Variants in A1CF observed in about 807,000 individuals in gnomAD.
A1CF encodes APOBEC-1 stimulating protein.
Under a neutral mutation model 68.9 loss-of-function variants are expected in A1CF, and 48 were observed. The observed-to-expected ratio is 0.70, with a 90% confidence interval of 0.55 to 0.89. A1CF has a LOEUF of 0.89. Ranked by LOEUF, A1CF falls within the 40% of genes least tolerant of loss-of-function variation. The pLI is 0.00. For synonymous variants in A1CF, 272 were observed against 260.4 expected, an observed-to-expected ratio of 1.04 and a Z score of -0.43; for missense variants, 653 against 718.9, an observed-to-expected ratio of 0.91 and a Z score of 1.05.
At chr10:50,811,323 T>C in intron 10 of A1CF, 147 bp from the exon 11 acceptor site, 2 of 727,426 alleles carry the variant, frequency 2.7e-6, no homozygotes, top group Non-Finnish European at 4.2e-6. Flanking sequence ...TCATAAAATT[T>C]AAGATGAACT....
At position 50,816,366 on chromosome 10, in the gene A1CF, A is replaced by C. The variant is rs189028472; in HGVS notation, c.868-87T>G. 1.9e-5 allele frequency: 26 copies of C among 1,367,150 alleles called. 1 individual carries two copies. The highest frequency in any genetic ancestry group is 1.9e-4 in the East Asian group (8 of 43,050). The allele number at this position is 1,367,150 out of a possible 1,614,324, so 84.7% of individuals were successfully genotyped here. A position where few individuals can be genotyped will look rare whatever the true frequency, so the allele number is the denominator to read the frequency against. ...AGCCCTAATAACATGACTCCTTCTAAGTGTTAGACTATTTGCTGTAGGTTT... is the reference window on the plus strand; with the variant it reads ...AGCCCTAATAACATGACTCCTTCTACGTGTTAGACTATTTGCTGTAGGTTT... On this transcript the variant is annotated intron_variant, in intron 8 of 12. Transcript: ENST00000373997.
In A1CF at chr10:50,807,015, G is replaced by A. The variant is rs1028591087; in HGVS notation, c.1610-135C>T. ...AAAGTTAATATATATGTTTTAAAAAGTGTCCTTAAGGACACAATATGTGGA... is the reference window on the plus strand; with the variant it reads ...AAAGTTAATATATATGTTTTAAAAAATGTCCTTAAGGACACAATATGTGGA... On this transcript the variant is annotated intron_variant, in intron 12 of 12. Transcript: ENST00000373997. 3.5e-6 allele frequency: 3 copies of A among 864,730 alleles called. No individual in the cohort carries two copies. In the Admixed American group the frequency reaches 9.0e-5, roughly 26 times the overall value. The allele number at this position is 864,730 out of a possible 1,614,324, so 53.6% of individuals were successfully genotyped here.
intron 8 of A1CF, 53 bp from the exon 9 acceptor site, chr10:50,816,332 G>T: frequency 6.3e-7 from 1 of 1,575,080 alleles, no homozygotes; most frequent in East Asian, 2.2e-5. Context: ...AGATAACCAA[G>T]TGTGGCTGAG....
chr10:50,814,364 C>A (rs888976176), intron 9 of A1CF, among the ~76,000 whole-genome samples: 2 of 152,050 alleles, frequency 1.3e-5, no homozygotes, highest in Non-Finnish European at 2.9e-5. Flanking sequence ...TTTAGGTAAC[C>A]TTGATATTTT....
intron 3 of A1CF, among the ~76,000 whole-genome samples, chr10:50,847,899 A>G (rs1293137044): frequency 6.6e-6 from 1 of 152,136 alleles, no homozygotes; most frequent in Non-Finnish European, 1.5e-5. Flanking sequence ...TGTTCTTAAA[A>G]GCTTACCCTT....
chr10:50,829,532 G>A (rs950444880), intron 6 of A1CF, among the ~76,000 whole-genome samples: 2 of 152,038 alleles, frequency 1.3e-5, no homozygotes, highest in Non-Finnish European at 2.9e-5. Flanking sequence ...AAAAGCATCC[G>A]TGGCCCTGGC....
intron 5 of A1CF, among the ~76,000 whole-genome samples, chr10:50,839,165 T>A (rs1776055628): frequency 6.6e-6 from 1 of 152,198 alleles, no homozygotes; most frequent in Non-Finnish European, 1.5e-5. Context: ...CCGTAGTGGA[T>A]TGATTTTATT....
chr10:50,810,150 G>T, intron 11 of A1CF, 108 bp from the exon 12 acceptor site: 1 of 1,290,658 alleles, frequency 7.7e-7, no homozygotes, highest in Non-Finnish European at 1.1e-6. Context: ...GTGGTATTTT[G>T]AGTGGGTGTT....
At chr10:50,852,504 A>G (rs979426095) in intron 3 of A1CF, among the ~76,000 whole-genome samples, 7 of 152,178 alleles carry the variant, frequency 4.6e-5, no homozygotes, top group Non-Finnish European at 7.3e-5. Context: ...TTAGGGAAGC[A>G]TGAGCCTGTG....
At chr10:50,861,113 C>T (rs1233051045) in intron 2 of A1CF, among the ~76,000 whole-genome samples, 1 of 152,028 alleles carries the variant, frequency 6.6e-6, no homozygotes, top group Non-Finnish European at 1.5e-5. Context: ...AGAATGAAGA[C>T]ACCATTAATA....
intron 10 of A1CF, 125 bp downstream of exon 10, chr10:50,813,732 T>A (rs934162363): frequency 1.1e-6 from 1 of 902,226 alleles, no homozygotes; most frequent in African/African-American, 1.7e-5. Context: ...ATTCATTGGA[T>A]GCTTTATATA....
chr10:50,870,180 A>G (rs1457101144), intron 1 of A1CF, among the ~76,000 whole-genome samples: 1 of 151,924 alleles, frequency 6.6e-6, no homozygotes, highest in African/African-American at 2.4e-5. Context: ...CATTTTCTCT[A>G]GCTATTTTGA....
In A1CF at chr10:50,803,847, A is replaced by C. The variant is rs963433814; in HGVS notation, c.*2882T>G. The C allele has an allele frequency of 6.6e-6, 1 of 152,198 alleles. No homozygotes were observed. Among genetic ancestry groups the C allele is most frequent in the African/African-American group, 2.4e-5 (1 of 41,454 alleles). The allele number at this position is 152,198 out of a possible 1,614,324, so 9.4% of individuals were successfully genotyped here. ...AAGCATTCAAATAAGAAATTACAGA[A>C]AAATTGATAGTGATGCAGAAGGTAT... On this transcript the variant is annotated 3_prime_UTR_variant, in exon 13 of 13. Coordinates refer to ENST00000373997, the MANE Select transcript of A1CF (RefSeq NM_014576.4).
Position 50,852,752 on chromosome 10 carries a change from T to C in A1CF, c.99+7090A>G, listed in dbSNP as rs551903549. Reference sequence around the variant, plus strand: ...TTGAAAAAGAATGTCAATGCCACAGTGTTTTTCCATCTGCTCCTCTCGGAG... The same window carrying C: ...TTGAAAAAGAATGTCAATGCCACAGCGTTTTTCCATCTGCTCCTCTCGGAG... On this transcript the variant is annotated intron_variant, in intron 3 of 12. Transcript: ENST00000373997. 2.0e-5 allele frequency among the ~76,000 whole-genome samples: 3 copies of C among 152,258 alleles called. No individual in the cohort carries two copies. The South Asian group carries it at 6.2e-4, about 32-fold the overall frequency.
intron 7 of A1CF, chr10:50,824,581 T>C (rs1838832156): frequency 6.6e-6 from 1 of 152,160 alleles, no homozygotes; most frequent in Non-Finnish European, 1.5e-5. Flanking sequence ...AGCTGTATTT[T>C]TCTGGAATTT....
At chr10:50,821,639 G>T (rs1017297264) in intron 7 of A1CF, among the ~76,000 whole-genome samples, 1 of 151,784 alleles carries the variant, frequency 6.6e-6, no homozygotes, top group Admixed American at 6.6e-5. Flanking sequence ...TGGTTCAAGC[G>T]ATTCTTCTGC....
chr10:50,863,640 G>C (rs191312220), intron 2 of A1CF, among the ~76,000 whole-genome samples: 205 of 152,236 alleles, frequency 1.3e-3, no homozygotes, highest in Non-Finnish European at 2.1e-3. Flanking sequence ...GGGGATGAGA[G>C]AGGTAATAAA....
At chr10:50,812,254 C>T (rs1397378252) in intron 10 of A1CF, among the ~76,000 whole-genome samples, 1 of 152,160 alleles carries the variant, frequency 6.6e-6, no homozygotes, top group Non-Finnish European at 1.5e-5. Flanking sequence ...AACACCAGCT[C>T]TCACTGCTGA....
rs766307356 is a variant in A1CF at position 50,841,897 on chromosome 10, C to T, written c.330G>A (p.Lys110=). The change falls in exon 5 of 13, where the codon AAG becomes AAA. Residue 110 remains lysine, a synonymous_variant. Transcript: ENST00000373997. The stretch of plus-strand genomic sequence containing the variant: ...AATTATTAAGTTGCTTGATTGCATT[C>T]TTGGCTTCCACTTTATTTGAAAATG... The part of the protein sequence containing the change: ...FVTFSNKVEA[K]NAIKQLNNYE... The T allele has an allele frequency of 5.6e-6, 9 of 1,613,354 alleles. No homozygotes were observed. The South Asian group carries it at 9.9e-5, about 18-fold the overall frequency.
Sources: gnomAD v4.1 joint callset for allele counts (sites outside exome capture counted in the v4.1 genomes callset) on GRCh38, gnomAD v4.1.1 for gene constraint, MANE v1.5 for transcripts, NCBI Gene and HGNC (gene_info 2026-07-23, HGNC 2026-07-21) for gene names.